The following TRAPPC3 variants were observed in gnomAD, a reference collection of about 807,000 sequenced individuals.
TRAPPC3 encodes the protein trafficking protein particle complex subunit 3, also known as trafficking protein particle complex 3.
In TRAPPC3, 5 loss-of-function variants were observed where a neutral mutation model predicts 18.2. The ratio of observed to expected loss-of-function variants is 0.28; its 90% CI spans 0.14 to 0.58. TRAPPC3 has a LOEUF of 0.58. Ranked by LOEUF, TRAPPC3 falls within the 20% of genes least tolerant of loss-of-function variation. The pLI is 0.91. For missense variants in TRAPPC3, 176 were observed against 225.9 expected (o/e 0.78, Z 1.41); for synonymous variants, 65 against 84.2 (o/e 0.77, Z 1.25).
At position 36,149,477 on chromosome 1, in the gene TRAPPC3, G is replaced by A; in HGVS notation, c.-99C>T. On this transcript the variant is annotated 5_prime_UTR_variant, in exon 1 of 5. Transcript: ENST00000373166. ...CCGCTGCCCCTCAGCCCACAAGACC[G>A]ACCGGCACTGACTCACTGCGCCTGC... 2 of 1,462,832 alleles carry A rather than the reference G, an allele frequency of 1.4e-6. No homozygotes were observed. Among genetic ancestry groups the A allele is most frequent in the Non-Finnish European group, 1.9e-6 (2 of 1,069,962 alleles). 90.6% of individuals were successfully genotyped at this position (1,462,832 alleles called of 1,614,324 possible). A position where few individuals can be genotyped will look rare whatever the true frequency, so the allele number is the denominator to read the frequency against.
At chr1:36,155,068 G>C (rs182861715) in intron 1 of TRAPPC3, among the ~76,000 whole-genome samples, 6 of 152,328 alleles carry the variant, frequency 3.9e-5, no homozygotes, top group Non-Finnish European at 7.3e-5. Flanking sequence ...TGGAGGGAAG[G>C]GGGGCAAGGG....
intron 1 of TRAPPC3, among the ~76,000 whole-genome samples, chr1:36,141,958 C>CA (rs71053907): frequency 0.018 from 1,160 of 63,904 alleles, 10 homozygotes; most frequent in South Asian, 0.059. Context: ...ATTCCGTCTC[C>CA]AAAAAAAAAA....
chr1:36,139,684 A>G, intron 3 of TRAPPC3, 36 bp downstream of exon 3: 1 of 1,613,040 alleles, frequency 6.2e-7, no homozygotes, highest in Non-Finnish European at 8.5e-7. Flanking sequence ...CTCAGCAGCA[A>G]TTCTTCAGCA....
intron 1 of TRAPPC3, among the ~76,000 whole-genome samples, chr1:36,143,268 T>C (rs1644143398): frequency 6.6e-6 from 1 of 152,064 alleles, no homozygotes; most frequent in Non-Finnish European, 1.5e-5. Context: ...GGGTGGTTAA[T>C]TTTAATCGAA....
chr1:36,136,896 T>G lies in TRAPPC3; in HGVS notation c.*307A>C. 1 of 204,422 alleles carries G rather than the reference T, an allele frequency of 4.9e-6. No homozygotes were observed. Among genetic ancestry groups the G allele is most frequent in the Admixed American group, 5.5e-5 (1 of 18,110 alleles). The allele number at this position is 204,422 out of a possible 1,614,324, so 12.7% of individuals were successfully genotyped here. ...TGCCTCTTAATGGGGTCAAAGTGAG[T>G]TTTGCTTTGGAAAAATTCAAACAGG... On this transcript the variant is annotated 3_prime_UTR_variant, in exon 5 of 5. Transcript: ENST00000373166.
At chr1:36,146,375 C>A (rs1644200012) in intron 1 of TRAPPC3, among the ~76,000 whole-genome samples, 4 of 150,786 alleles carry the variant, frequency 2.7e-5, no homozygotes, top group African/African-American at 9.8e-5. Context: ...CAGCTCACTG[C>A]AAGCTCCGCC....
At chr1:36,154,831 G>A (rs1303514947) in intron 1 of TRAPPC3, among the ~76,000 whole-genome samples, 3 of 152,170 alleles carry the variant, frequency 2.0e-5, no homozygotes, top group African/African-American at 7.2e-5. Context: ...CTAGCTCAAG[G>A]TTACTGGCTC....
chr1:36,154,285 G>A (rs1311572638), upstream of TRAPPC3, among the ~76,000 whole-genome samples: 1 of 152,130 alleles, frequency 6.6e-6, no homozygotes, highest in Non-Finnish European at 1.5e-5. Flanking sequence ...ATTACAGTGT[G>A]AGCCACCACA....
chr1:36,138,528 A>T (rs1481656698), intron 3 of TRAPPC3, among the ~76,000 whole-genome samples: 2 of 152,168 alleles, frequency 1.3e-5, no homozygotes, highest in African/African-American at 4.8e-5. Context: ...AGAAAGACCA[A>T]CTTTTAAGTA....
chr1:36,136,970 T>C lies in TRAPPC3; in HGVS notation c.*233A>G. The C allele has an allele frequency of 2.5e-6, 1 of 399,198 alleles. No homozygotes were observed. Among genetic ancestry groups the C allele is most frequent in the Non-Finnish European group, 4.5e-6 (1 of 223,228 alleles). The allele number at this position is 399,198 out of a possible 1,614,324, so 24.7% of individuals were successfully genotyped here. On this transcript the variant is annotated 3_prime_UTR_variant, in exon 5 of 5. Transcript: ENST00000373166. Reference sequence around the variant, plus strand: ...TCTAGTCCAACCAAAGGTGATTACATCCAGCCCCTCTCAAGGGAATGGGGG... The same window carrying C: ...TCTAGTCCAACCAAAGGTGATTACACCCAGCCCCTCTCAAGGGAATGGGGG...
At chr1:36,148,854 G>C (rs1296022375) in intron 1 of TRAPPC3, among the ~76,000 whole-genome samples, 1 of 152,154 alleles carries the variant, frequency 6.6e-6, no homozygotes, top group South Asian at 2.1e-4. Context: ...TGTAGCCTAA[G>C]AGTAAAGCCT....
chr1:36,143,410 G>A (rs2124156357), intron 1 of TRAPPC3, among the ~76,000 whole-genome samples: 1 of 152,340 alleles, frequency 6.6e-6, no homozygotes, highest in Non-Finnish European at 1.5e-5. Context: ...GTGTGTTTGA[G>A]AAACAGCGGG....
At chr1:36,142,162 A>G (rs750061936) in intron 1 of TRAPPC3, among the ~76,000 whole-genome samples, 1 of 148,780 alleles carries the variant, frequency 6.7e-6, no homozygotes, top group Non-Finnish European at 1.5e-5. Context: ...ACTTAGCTGC[A>G]CTAGAGTCAA....
upstream of TRAPPC3, among the ~76,000 whole-genome samples, chr1:36,152,451 G>T (rs565694410): frequency 6.6e-6 from 1 of 151,880 alleles, no homozygotes; most frequent in South Asian, 2.1e-4. Context: ...GGGACTACAG[G>T]CATGTGCCAC....
chr1:36,136,995 G>A lies in TRAPPC3; in HGVS notation c.*208C>T. 1 of 471,606 alleles carries A rather than the reference G, an allele frequency of 2.1e-6. No individual in the cohort carries two copies. The highest frequency in any genetic ancestry group is 3.7e-6 in the Non-Finnish European group (1 of 271,888). The allele number at this position is 471,606 out of a possible 1,614,324, so 29.2% of individuals were successfully genotyped here. A position where few individuals can be genotyped will look rare whatever the true frequency, so the allele number is the denominator to read the frequency against. On this transcript the variant is annotated 3_prime_UTR_variant, in exon 5 of 5. Coordinates refer to ENST00000373166, the MANE Select transcript of TRAPPC3 (RefSeq NM_014408.5). Reference sequence around the variant, plus strand: ...TCCAGCCCCTCTCAAGGGAATGGGGGCAGAGACTGTCGCTCCTGAATGTGC... The same window carrying A: ...TCCAGCCCCTCTCAAGGGAATGGGGACAGAGACTGTCGCTCCTGAATGTGC...
At chr1:36,139,976 A>C in intron 2 of TRAPPC3, 93 bp downstream of exon 2, 1 of 1,461,876 alleles carries the variant, frequency 6.8e-7, no homozygotes, top group Non-Finnish European at 9.2e-7. Context: ...GCTAAGAAAG[A>C]GAGAGAACCC....
In TRAPPC3 at chr1:36,140,091, C is replaced by T; in HGVS notation, c.118G>A (p.Val40Met). ...CACATTTTGTCCAGCTGTTTATTCACATCTTCATCATTTTCATAGTCCTTA... is the reference window on the plus strand; with the variant it reads ...CACATTTTGTCCAGCTGTTTATTCATATCTTCATCATTTTCATAGTCCTTA... ...LCKDYENDED[V>M]NKQLDKMGFN... Residue 40 changes from valine to methionine, a missense_variant, in exon 2 of 5, where the codon GTG becomes ATG. Transcript: ENST00000373166. 1 of 1,603,720 alleles carries T rather than the reference C, an allele frequency of 6.2e-7. No individual in the cohort carries two copies. Among genetic ancestry groups the T allele is most frequent in the Middle Eastern group, 1.7e-4 (1 of 6,006 alleles).
upstream of TRAPPC3, among the ~76,000 whole-genome samples, chr1:36,151,374 TA>T (rs1644270332): frequency 6.6e-6 from 1 of 152,112 alleles, no homozygotes; most frequent in South Asian, 2.1e-4. Context: ...AAATAATTTT[TA>T]AAAAGGCTGT....
chr1:36,143,798 C>T (rs1046943543), intron 1 of TRAPPC3, among the ~76,000 whole-genome samples: 2 of 152,198 alleles, frequency 1.3e-5, no homozygotes, highest in African/African-American at 4.8e-5. Flanking sequence ...GCTTTGTTAT[C>T]CTAAGCCACT....
Sources: allele counts gnomAD v4.1 joint callset (sites outside exome capture counted in the v4.1 genomes callset), GRCh38; gene constraint gnomAD v4.1.1; transcripts MANE v1.5; gene names NCBI Gene and HGNC (gene_info 2026-07-23, HGNC 2026-07-21).